NR3C1: variants seen among roughly 807,000 people sequenced by gnomAD.
The protein encoded by NR3C1 is glucocorticoid receptor.
Under a neutral mutation model 74.0 loss-of-function variants are expected in NR3C1, and 14 were observed. That is an observed-to-expected ratio of 0.19 (90% CI 0.12 to 0.30). The LOEUF is 0.30. Ranked by LOEUF, NR3C1 falls within the 10% of genes least tolerant of loss-of-function variation. The pLI is 1.00. For synonymous variants in NR3C1, 308 were observed against 332.5 expected (o/e 0.93, Z 0.80); for missense variants, 695 against 909.8 (o/e 0.76, Z 3.04).
intron 2 of NR3C1, among the ~76,000 whole-genome samples, chr5:143,369,605 C>CAT (rs1437047968): frequency 2.6e-5 from 4 of 152,094 alleles, no homozygotes; most frequent in African/African-American, 9.7e-5. Flanking sequence ...CAAGAAGCCA[C>CAT]ATATATATGA....
intron 1 of NR3C1, among the ~76,000 whole-genome samples, chr5:143,424,249 T>C (rs1049660312): frequency 1.3e-5 from 2 of 150,092 alleles, no homozygotes. Flanking sequence ...AAGAGGGGTG[T>C]TTAATGGATA....
intron 2 of NR3C1, among the ~76,000 whole-genome samples, chr5:143,382,223 A>G (rs1836388712): frequency 6.6e-6 from 1 of 152,168 alleles, no homozygotes; most frequent in African/African-American, 2.4e-5. Context: ...ATCTCACCCC[A>G]GTCAATTATA....
At chr5:143,385,243 C>T (rs1836977328) in intron 2 of NR3C1, among the ~76,000 whole-genome samples, 1 of 152,210 alleles carries the variant, frequency 6.6e-6, no homozygotes, top group Non-Finnish European at 1.5e-5. Flanking sequence ...TCCTCCTAGA[C>T]CTCCAGGCCT....
upstream of NR3C1, among the ~76,000 whole-genome samples, chr5:143,407,659 A>G (rs1229964797): frequency 6.6e-6 from 1 of 152,242 alleles, no homozygotes; most frequent in Non-Finnish European, 1.5e-5. Context: ...CCTAAGGCCA[A>G]TAAAACCTTA....
chr5:143,313,660 T>G (rs575149403), intron 3 of NR3C1, among the ~76,000 whole-genome samples: 5 of 152,188 alleles, frequency 3.3e-5, no homozygotes, highest in African/African-American at 1.2e-4. Flanking sequence ...ACCTATTAGC[T>G]TATGGAAGTT....
At chr5:143,390,225 T>A (rs948683573) in intron 2 of NR3C1, among the ~76,000 whole-genome samples, 4 of 152,190 alleles carry the variant, frequency 2.6e-5, no homozygotes, top group Non-Finnish European at 5.9e-5. Context: ...CTATCAGTAA[T>A]CGCAGAGGTT....
At chr5:143,333,612 A>T (rs1453764099) in intron 2 of NR3C1, among the ~76,000 whole-genome samples, 1 of 152,148 alleles carries the variant, frequency 6.6e-6, no homozygotes, top group Non-Finnish European at 1.5e-5. Flanking sequence ...TACTAAAAAT[A>T]CAAAAATGAG....
At chr5:143,339,015 AC>A (rs1827716705) in intron 2 of NR3C1, among the ~76,000 whole-genome samples, 1 of 152,198 alleles carries the variant, frequency 6.6e-6, no homozygotes, top group African/African-American at 2.4e-5. Context: ...AGTGTTCAGT[AC>A]AGTAACATGC....
At chr5:143,289,072 CAA>C (rs369191318) in intron 7 of NR3C1, among the ~76,000 whole-genome samples, 12 of 70,552 alleles carry the variant, frequency 1.7e-4, no homozygotes, top group African/African-American at 3.1e-4. Context: ...GACTCCATCT[CAA>C]AAAAAAAAAA....
chr5:143,424,349 A>C (rs1751422009), intron 1 of NR3C1, among the ~76,000 whole-genome samples: 1 of 152,130 alleles, frequency 6.6e-6, no homozygotes, highest in Admixed American at 6.6e-5. Flanking sequence ...GTATATTTCA[A>C]AATAACTAAG....
intron 7 of NR3C1, among the ~76,000 whole-genome samples, chr5:143,289,925 T>A (rs1388735161): frequency 6.6e-6 from 1 of 152,092 alleles, no homozygotes; most frequent in Non-Finnish European, 1.5e-5. Context: ...AAACACACAC[T>A]CAACCTATGT....
At chr5:143,287,117 G>A (rs1453200131) in intron 7 of NR3C1, among the ~76,000 whole-genome samples, 1 of 151,792 alleles carries the variant, frequency 6.6e-6, no homozygotes, top group Admixed American at 6.6e-5. Flanking sequence ...AACAATGGAA[G>A]CTTCTACCTT....
chr5:143,376,529 T>C (rs1337855522), intron 2 of NR3C1, among the ~76,000 whole-genome samples: 1 of 152,226 alleles, frequency 6.6e-6, no homozygotes, highest in Non-Finnish European at 1.5e-5. Flanking sequence ...ATAATGTAAC[T>C]AGTACATGGA....
intron 5 of NR3C1, among the ~76,000 whole-genome samples, chr5:143,299,484 G>A (rs1330498237): frequency 6.6e-6 from 1 of 152,184 alleles, no homozygotes; most frequent in South Asian, 2.1e-4. Context: ...AAGCGGGAAT[G>A]GTTGACGGGT....
intron 1 of NR3C1, among the ~76,000 whole-genome samples, chr5:143,411,437 C>T (rs1841289221): frequency 1.3e-5 from 2 of 152,170 alleles, no homozygotes; most frequent in Non-Finnish European, 2.9e-5. Context: ...ATTTTTGTTG[C>T]TTCACTTTTA....
intron 2 of NR3C1, among the ~76,000 whole-genome samples, chr5:143,393,888 TAGTA>T (rs1838731747): frequency 6.6e-6 from 1 of 152,060 alleles, no homozygotes; most frequent in Non-Finnish European, 1.5e-5. Flanking sequence ...TAAAAAGAAA[TAGTA>T]AGTTAACACT....
Position 143,399,678 on chromosome 5 carries a change from C to T in NR3C1, c.1162G>A (p.Val388Ile). 1.9e-6 allele frequency: 3 copies of T among 1,613,898 alleles called. No homozygotes were observed. The highest frequency in any genetic ancestry group is 1.7e-6 in the Non-Finnish European group (2 of 1,179,782). Residue 388 changes from valine (V) to isoleucine (I), a missense_variant, in exon 2 of 9, where the codon GTT becomes ATT. Val to Ile is a conservative substitution (Grantham distance 29). Transcript: ENST00000394464. The part of the protein sequence containing the change: ...LGTLNFPGRT[V>I]FSNGYSSPSM... ...TACCTTGAATAGCCATTAGAAAAAA[C>T]TGTTCGACCAGGGAAGTTCAGAGTC...
upstream of NR3C1, among the ~76,000 whole-genome samples, chr5:143,406,636 A>G (rs1223270789): frequency 1.3e-5 from 2 of 152,192 alleles, no homozygotes; most frequent in Admixed American, 1.3e-4. Flanking sequence ...TTTGCTGACA[A>G]CAATTAAATG....
intron 7 of NR3C1, chr5:143,293,832 A>G (rs17209258): frequency 0.2 from 181,436 of 926,686 alleles, 18,718 homozygotes; most frequent in Non-Finnish European, 0.21. Flanking sequence ...ATATAGCTCA[A>G]TTAGTCTGGG....
Sources: allele counts gnomAD v4.1 joint callset (sites outside exome capture counted in the v4.1 genomes callset), GRCh38; gene constraint gnomAD v4.1.1; transcripts MANE v1.5; gene names NCBI Gene and HGNC (gene_info 2026-07-23, HGNC 2026-07-21).